CCDC88A: variants seen among roughly 807,000 people sequenced by gnomAD.
CCDC88A encodes girdin.
Under a neutral mutation model 234.3 loss-of-function variants are expected in CCDC88A, and 54 were observed. That is an observed-to-expected ratio of 0.23 (90% CI 0.19 to 0.29). CCDC88A has a LOEUF of 0.29. CCDC88A is among the 10% of genes least tolerant of loss of function. The pLI is 1.00. For missense variants in CCDC88A, 1,832 were observed against 2,123.4 expected (o/e 0.86, Z 2.70); for synonymous variants, 753 against 737.8 (o/e 1.02, Z -0.33).
chr2:55,396,087 T>A (rs866508814), intron 2 of CCDC88A, among the ~76,000 whole-genome samples: 1 of 152,030 alleles, frequency 6.6e-6, no homozygotes, highest in Non-Finnish European at 1.5e-5. Flanking sequence ...TTTTTTCTTG[T>A]CTGGTATCTT....
intron 31 of CCDC88A, among the ~76,000 whole-genome samples, chr2:55,293,332 GA>G (rs546780744): frequency 7.2e-5 from 11 of 152,022 alleles, no homozygotes; most frequent in South Asian, 6.2e-4. Flanking sequence ...ACTGGCCTAT[GA>G]AAAAACAAAA....
At position 55,419,179 on chromosome 2, in the gene CCDC88A, T is replaced by C. The variant is rs1255037082; in HGVS notation, c.-100A>G. 3 of 743,892 alleles carry C rather than the reference T, an allele frequency of 4.0e-6. No individual in the cohort carries two copies. In the African/African-American group the frequency reaches 5.3e-5, roughly 13 times the overall value. 46.1% of individuals were successfully genotyped at this position (743,892 alleles called of 1,614,324 possible). Reference sequence around the variant, plus strand: ...TAAGTAGAAATCAATGAAAGTCCATTTCGGCAAGGGAGAAAAATCCCATCG... The same window carrying C: ...TAAGTAGAAATCAATGAAAGTCCATCTCGGCAAGGGAGAAAAATCCCATCG... On this transcript the variant is annotated 5_prime_UTR_variant, in exon 1 of 33. Transcript: ENST00000436346.
At chr2:55,297,416 A>G (rs1425099644) in intron 29 of CCDC88A, among the ~76,000 whole-genome samples, 1 of 36,928 alleles carries the variant, frequency 2.7e-5, no homozygotes, top group African/African-American at 6.3e-5. Context: ...ATATGTGTGT[A>G]TTTTTTTTTT....
At chr2:55,343,855 T>A in intron 11 of CCDC88A, 63 bp from the exon 12 acceptor site, 1 of 1,298,706 alleles carries the variant, frequency 7.7e-7, no homozygotes, top group Non-Finnish European at 1.0e-6. Flanking sequence ...TTTGAGCAAA[T>A]ACTTTATTTC....
intron 12 of CCDC88A, among the ~76,000 whole-genome samples, chr2:55,340,754 C>A (rs1009225196): frequency 6.6e-6 from 1 of 151,930 alleles, no homozygotes; most frequent in Non-Finnish European, 1.5e-5. Flanking sequence ...ATTCATTATC[C>A]CTTTATAAAT....
In CCDC88A at chr2:55,344,348, A is replaced by T; in HGVS notation, c.1188+20T>A. ...GTTTTCCTTAAAGGCCATGTAACTG[A>T]TCTACCTCTTAAAACTTACCATTTC... is the stretch of plus-strand genomic sequence containing the variant. On this transcript the variant is annotated intron_variant, in intron 11 of 32. Coordinates refer to ENST00000436346, the MANE Select transcript of CCDC88A (RefSeq NM_001365480.1). 1 of 1,537,552 alleles carries T rather than the reference A, an allele frequency of 6.5e-7. No homozygotes were observed. Among genetic ancestry groups the T allele is most frequent in the Middle Eastern group, 1.7e-4 (1 of 5,740 alleles).
At chr2:55,395,462 C>A (rs1292334148) in intron 2 of CCDC88A, among the ~76,000 whole-genome samples, 1 of 152,180 alleles carries the variant, frequency 6.6e-6, no homozygotes, top group Non-Finnish European at 1.5e-5. Flanking sequence ...AATACTTGGT[C>A]TTTTTGACTC....
intron 2 of CCDC88A, among the ~76,000 whole-genome samples, chr2:55,396,906 G>A (rs960077489): frequency 7.0e-6 from 1 of 143,022 alleles, no homozygotes; most frequent in South Asian, 2.3e-4. Context: ...TTTCAGCAAT[G>A]TTTTTTCTAA....
At chr2:55,383,198 G>T (rs1403944689) in intron 3 of CCDC88A, among the ~76,000 whole-genome samples, 1 of 151,962 alleles carries the variant, frequency 6.6e-6, no homozygotes, top group African/African-American at 2.4e-5. Context: ...TTTTCTCCCT[G>T]GGAATCATCT....
chr2:55,320,190 T>G (rs955478705), intron 18 of CCDC88A, among the ~76,000 whole-genome samples: 2 of 152,162 alleles, frequency 1.3e-5, no homozygotes, highest in South Asian at 4.1e-4. Flanking sequence ...TGTATTTATA[T>G]ACCATCTCAG....
chr2:55,309,221 C>G lies in CCDC88A; in HGVS notation c.4113G>C (p.Glu1371Asp), dbSNP rs1297898971. Residue 1371 changes from glutamate (E) to aspartate (D), a missense_variant, in exon 24 of 33, where the codon GAG becomes GAC. Coordinates refer to ENST00000436346, the MANE Select transcript of CCDC88A (RefSeq NM_001365480.1). The surrounding 1 kb of genome is among the most constrained non-coding windows in gnomAD (Gnocchi z 5.1). ...DKLNELRRQK[E>D]KLEEKIMDQY... is the part of the protein sequence containing the mutation. ...GATCCATAATTTTCTCTTCTAGTTT[C>G]TCCTTCTGACGTCTTAATTCATTTA... The G allele has an allele frequency of 6.6e-7, 1 of 1,522,984 alleles. No individual in the cohort carries two copies. Among genetic ancestry groups the G allele is most frequent in the South Asian group, 1.2e-5 (1 of 85,578 alleles). The allele number at this position is 1,522,984 out of a possible 1,614,324, so 94.3% of individuals were successfully genotyped here.
intron 25 of CCDC88A, among the ~76,000 whole-genome samples, chr2:55,307,007 CT>C (rs1254895127): frequency 6.6e-6 from 1 of 152,158 alleles, no homozygotes; most frequent in Non-Finnish European, 1.5e-5. Flanking sequence ...GAGTCTACCC[CT>C]GGGAGAAGCA....
At chr2:55,361,972 A>G (rs535296536) in intron 7 of CCDC88A, 3 of 172,412 alleles carry the variant, frequency 1.7e-5, no homozygotes, top group East Asian at 3.1e-4. Context: ...CTTATGCTTC[A>G]CGGCAATGAT....
intron 29 of CCDC88A, among the ~76,000 whole-genome samples, chr2:55,297,910 G>T (rs2104559693): frequency 6.6e-6 from 1 of 152,222 alleles, no homozygotes; most frequent in African/African-American, 2.4e-5. Flanking sequence ...ATAAAGATAT[G>T]AAGCAATTAC....
intron 3 of CCDC88A, 171 bp downstream of exon 3, chr2:55,388,607 G>A (rs1247819654): frequency 4.7e-5 from 18 of 382,580 alleles, no homozygotes; most frequent in Admixed American, 3.3e-4. Flanking sequence ...GCTTGCTTAA[G>A]CCTTTAACAT....
At chr2:55,395,638 C>A (rs905658795) in intron 2 of CCDC88A, among the ~76,000 whole-genome samples, 2 of 152,214 alleles carry the variant, frequency 1.3e-5, no homozygotes, top group Non-Finnish European at 2.9e-5. Context: ...CCATTGCTTT[C>A]TATCGAAAGT....
intron 2 of CCDC88A, among the ~76,000 whole-genome samples, chr2:55,409,844 GA>G (rs1680190724): frequency 6.8e-6 from 1 of 147,388 alleles, no homozygotes; most frequent in South Asian, 2.1e-4. Flanking sequence ...AGCTTCAAGT[GA>G]TTCTCCTGCC....
At position 55,296,360 on chromosome 2, in the gene CCDC88A, T is replaced by C. The variant is rs1196704792; in HGVS notation, c.4989A>G (p.Thr1663=). The C allele has an allele frequency of 2.9e-5, 47 of 1,614,042 alleles. No individual in the cohort carries two copies. Among genetic ancestry groups the C allele is most frequent in the Non-Finnish European group, 3.9e-5 (46 of 1,180,006 alleles). ...SPVLQHKISE[T]LESRHHKIKT... ...TGATCTTGTGATGTCGACTCTCCAG[T>C]GTTTCAGATATTTTGTGCTGGAGCA... Residue 1663 remains threonine (T), a synonymous_variant, in exon 30 of 33, where the codon ACA becomes ACG. Transcript: ENST00000436346.
intron 5 of CCDC88A, among the ~76,000 whole-genome samples, chr2:55,371,259 C>G (rs1244642990): frequency 6.6e-6 from 1 of 152,078 alleles, no homozygotes; most frequent in Non-Finnish European, 1.5e-5. Context: ...AATATTTAAT[C>G]AATTGTGAAG....
Sources: allele counts gnomAD v4.1 joint callset (sites outside exome capture counted in the v4.1 genomes callset), GRCh38; gene constraint gnomAD v4.1.1; non-coding constraint Gnocchi (gnomAD v3.1); transcripts MANE v1.5; gene names NCBI Gene and HGNC (gene_info 2026-07-23, HGNC 2026-07-21).